The following UVRAG variants were observed in gnomAD, a reference collection of about 807,000 sequenced individuals.
The protein encoded by UVRAG is UV radiation resistance associated.
In UVRAG, 19 loss-of-function variants were observed where a neutral mutation model predicts 78.0. That is an observed-to-expected ratio of 0.24 (90% confidence interval 0.17 to 0.36). The LOEUF (loss-of-function observed/expected upper bound fraction) is 0.36. Among genes scored for constraint, UVRAG ranks in the 10% least tolerant of loss-of-function variants. The pLI is 1.00. For missense variants in UVRAG, 740 were observed against 853.8 expected (o/e 0.87, Z 1.66); for synonymous variants, 323 against 324.6 (o/e 1.00, Z 0.05).
chr11:76,141,084 G>C lies in UVRAG; in HGVS notation c.1771G>C (p.Gly591Arg), dbSNP rs375334287. The C allele has an allele frequency of 3.7e-6, 6 of 1,614,018 alleles. No homozygotes were observed. The highest frequency in any genetic ancestry group is 5.1e-6 in the Non-Finnish European group (6 of 1,180,052). The change falls in exon 15 of 15, where the codon GGG (glycine) becomes CGG (arginine). Residue 591 changes from glycine (G) to arginine (R), a missense_variant. Transcript: ENST00000356136. The part of the protein sequence containing the change: ...PSQEQGEALS[G>R]HRATVNGTLL... ...CCAAGAACAAGGAGAAGCCCTCTCCGGGCACCGGGCCACAGTCAATGGCAC... is the reference window on the plus strand; with the variant it reads ...CCAAGAACAAGGAGAAGCCCTCTCCCGGCACCGGGCCACAGTCAATGGCAC...
At chr11:75,907,786 C>T (rs1317469904) in intron 5 of UVRAG, among the ~76,000 whole-genome samples, 2 of 152,004 alleles carry the variant, frequency 1.3e-5, no homozygotes, top group African/African-American at 4.8e-5. Context: ...GCCTGTGCCT[C>T]CCAAAGTGCT....
At chr11:75,969,962 G>A (rs1015644162) in intron 7 of UVRAG, among the ~76,000 whole-genome samples, 1 of 152,110 alleles carries the variant, frequency 6.6e-6, no homozygotes, top group Non-Finnish European at 1.5e-5. Flanking sequence ...GATGAGTTTT[G>A]TAGTTACAAT....
chr11:75,970,623 C>G (rs955700192), intron 7 of UVRAG, among the ~76,000 whole-genome samples: 8 of 151,176 alleles, frequency 5.3e-5, no homozygotes, highest in Non-Finnish European at 8.8e-5. Context: ...GTCCCAGTTA[C>G]TTGTGAGGCT....
chr11:75,830,652 G>C (rs1945635515), intron 1 of UVRAG, among the ~76,000 whole-genome samples: 1 of 152,170 alleles, frequency 6.6e-6, no homozygotes, highest in South Asian at 2.1e-4. Context: ...TTTGGAAAAA[G>C]TGCTTTGTTC....
chr11:76,039,998 A>G (rs1950612803), intron 12 of UVRAG, among the ~76,000 whole-genome samples: 1 of 152,238 alleles, frequency 6.6e-6, no homozygotes, highest in Non-Finnish European at 1.5e-5. Flanking sequence ...ACATATATAC[A>G]TACCTTGTTT....
chr11:76,028,382 A>G (rs1167891282), intron 12 of UVRAG, among the ~76,000 whole-genome samples: 2 of 152,140 alleles, frequency 1.3e-5, no homozygotes, highest in African/African-American at 4.8e-5. Flanking sequence ...TGTTCAAGTG[A>G]AAGGAAGAGT....
At chr11:75,971,156 C>T (rs1422211879) in intron 7 of UVRAG, among the ~76,000 whole-genome samples, 3 of 152,094 alleles carry the variant, frequency 2.0e-5, no homozygotes, top group African/African-American at 7.2e-5. Flanking sequence ...TATGCATGTA[C>T]AATTTCTCTT....
At chr11:75,893,948 A>G (rs1947281452) in intron 5 of UVRAG, among the ~76,000 whole-genome samples, 1 of 152,184 alleles carries the variant, frequency 6.6e-6, no homozygotes, top group Non-Finnish European at 1.5e-5. Context: ...CCTGTCAGGG[A>G]TAGTTTTAAA....
At chr11:76,074,129 T>C (rs2134397564) in intron 13 of UVRAG, among the ~76,000 whole-genome samples, 1 of 152,368 alleles carries the variant, frequency 6.6e-6, no homozygotes, top group African/African-American at 2.4e-5. Context: ...AAAAGTTTTC[T>C]TAATTTCAAT....
intron 13 of UVRAG, among the ~76,000 whole-genome samples, chr11:76,097,813 A>T (rs1951812246): frequency 6.6e-6 from 1 of 152,142 alleles, no homozygotes; most frequent in Admixed American, 6.6e-5. Context: ...TTTGAAGTGT[A>T]TATATTCATT....
At chr11:76,116,156 C>T (rs1952177369) in intron 14 of UVRAG, 141 bp downstream of exon 14, 6 of 818,694 alleles carry the variant, frequency 7.3e-6, no homozygotes, top group Non-Finnish European at 1.1e-5. Flanking sequence ...AAGGCGCCAT[C>T]ACAGTTGGGG....
At chr11:75,857,625 G>A (rs1204307643) in intron 2 of UVRAG, among the ~76,000 whole-genome samples, 1 of 151,888 alleles carries the variant, frequency 6.6e-6, no homozygotes, top group African/African-American at 2.4e-5. Context: ...GAATAGCTAG[G>A]ACTACAGGTG....
At chr11:75,920,673 A>G (rs1947961524) in intron 6 of UVRAG, among the ~76,000 whole-genome samples, 1 of 152,074 alleles carries the variant, frequency 6.6e-6, no homozygotes, top group African/African-American at 2.4e-5. Flanking sequence ...CATGTTAACA[A>G]TCTGATATGT....
chr11:75,825,870 C>G (rs1379630638), intron 1 of UVRAG, among the ~76,000 whole-genome samples: 1 of 151,302 alleles, frequency 6.6e-6, no homozygotes, highest in Middle Eastern at 3.4e-3. Context: ...GAGTTTTGCT[C>G]TTGTCACCCA....
intron 8 of UVRAG, among the ~76,000 whole-genome samples, chr11:76,000,357 CT>C (rs774333645): frequency 3.3e-5 from 5 of 152,140 alleles, no homozygotes; most frequent in Non-Finnish European, 7.4e-5. Context: ...AGTCCTAGCA[CT>C]TTGGGAGGCC....
chr11:75,898,231 T>G (rs7108192), intron 5 of UVRAG, among the ~76,000 whole-genome samples: 1 of 152,164 alleles, frequency 6.6e-6, no homozygotes, highest in Admixed American at 6.5e-5. Flanking sequence ...ATAACAACCT[T>G]AGAGGAAGGT....
intron 2 of UVRAG, among the ~76,000 whole-genome samples, chr11:75,858,424 T>C (rs1590941422): frequency 6.6e-6 from 1 of 152,360 alleles, no homozygotes; most frequent in East Asian, 1.9e-4. Context: ...TTCTCCATAT[T>C]GGTTCATAGA....
intron 14 of UVRAG, among the ~76,000 whole-genome samples, chr11:76,116,385 A>G (rs1254477028): frequency 6.6e-6 from 1 of 152,242 alleles, no homozygotes; most frequent in Non-Finnish European, 1.5e-5. Context: ...TTATAGAATG[A>G]GCATCAGGAC....
intron 14 of UVRAG, among the ~76,000 whole-genome samples, chr11:76,122,838 TAG>T (rs1026782178): frequency 6.6e-6 from 1 of 152,220 alleles, no homozygotes; most frequent in African/African-American, 2.4e-5. Flanking sequence ...CCTGCCTTCT[TAG>T]GTAACTCTCA....
Sources: gnomAD v4.1 joint callset for allele counts (sites outside exome capture counted in the v4.1 genomes callset) on GRCh38, gnomAD v4.1.1 for gene constraint, MANE v1.5 for transcripts, NCBI Gene and HGNC (gene_info 2026-07-23, HGNC 2026-07-21) for gene names.